Variants in INTS6 observed in about 807,000 individuals in gnomAD.
The protein encoded by INTS6 is DEAD box protein.
A neutral mutation model predicts 104.9 loss-of-function variants in INTS6; 16 were observed. The observed-to-expected ratio is 0.15, with a 90% CI of 0.10 to 0.23. INTS6 has a LOEUF of 0.23. INTS6 is among the 10% of genes least tolerant of loss of function. INTS6 has a pLI of 1.00. For missense variants in INTS6, 584 were observed against 1,062.8 expected, an observed-to-expected ratio of 0.55 and a Z score of 6.26; for synonymous variants, 324 against 358.7, an observed-to-expected ratio of 0.90 and a Z score of 1.09.
chr13:51,415,123 G>GTT (rs200899765), intron 4 of INTS6, among the ~76,000 whole-genome samples: 1 of 144,956 alleles, frequency 6.9e-6, no homozygotes, highest in African/African-American at 2.5e-5. Context: ...AAGTATGAGA[G>GTT]TTTTTTTTTT....
At chr13:51,348,887 G>T in the INTS6 span, among the ~76,000 whole-genome samples, 1 of 66,092 alleles carries the variant, frequency 1.5e-5, no homozygotes, top group Non-Finnish European at 2.7e-5. Context: ...CCAAATTAAG[G>T]CATAAAATTT....
Position 51,404,107 on chromosome 13 carries a change from G to C in INTS6, c.430-8624C>G, listed in dbSNP as rs12876932. On this transcript the variant is annotated intron_variant, in intron 4 of 17. Coordinates refer to ENST00000311234, the MANE Select transcript of INTS6 (RefSeq NM_012141.3). ...ACACACACACACACACACACACAGA[G>C]AGAGAGAGAGAGAGAGACAACCCAG... Among the ~76,000 whole-genome samples the C allele has an allele frequency of 4.1e-3, 423 of 102,324 alleles. 4 individuals carry two copies. In the East Asian group the frequency reaches 0.065, roughly 16 times the overall value. 67.1% of individuals were successfully genotyped at this position (102,324 alleles called of 152,430 possible).
chr13:51,446,889 G>A (rs1952930721), intron 3 of INTS6: 1 of 152,130 alleles, frequency 6.6e-6, no homozygotes, highest in African/African-American at 2.4e-5. Context: ...GAGGTTTCCA[G>A]GGACTGGGAG....
the INTS6 span, among the ~76,000 whole-genome samples, chr13:51,340,129 G>A: frequency 2.0e-5 from 3 of 152,190 alleles, no homozygotes; most frequent in African/African-American, 4.8e-5. Flanking sequence ...GAGTGTGAGC[G>A]TGAGTAGCAG....
In INTS6 at chr13:51,374,815, CA is replaced by C; in HGVS notation, c.1730-20del. ...ACTTGATCTTTCAAAAAGAATACAA[CA>C]GCAAAAAAAGTTAACCTCCAATTAG... On this transcript the variant is annotated intron_variant, in intron 13 of 17. Transcript: ENST00000311234. 6.2e-7 allele frequency: 1 copy of C among 1,606,164 alleles called. No individual in the cohort carries two copies. Among genetic ancestry groups the C allele is most frequent in the Non-Finnish European group, 8.5e-7 (1 of 1,176,712 alleles).
downstream of INTS6, among the ~76,000 whole-genome samples, chr13:51,351,648 A>C (rs79006687): frequency 0.07 from 10,659 of 151,954 alleles, 422 homozygotes; most frequent in East Asian, 0.19. Context: ...AAGCTCAATT[A>C]ATCTATGTTT....
intron 4 of INTS6, among the ~76,000 whole-genome samples, chr13:51,397,272 T>C (rs1956356324): frequency 6.6e-6 from 1 of 152,192 alleles, no homozygotes; most frequent in Non-Finnish European, 1.5e-5. Context: ...AATCCAATTC[T>C]ATTCTAGGAA....
At chr13:51,426,128 A>G (rs143111779) in intron 4 of INTS6, among the ~76,000 whole-genome samples, 373 of 152,226 alleles carry the variant, frequency 2.5e-3, no homozygotes, top group Non-Finnish European at 3.7e-3. Flanking sequence ...AATTGAAATC[A>G]TAAATTAATG....
At chr13:51,418,492 A>G (rs1956834433) in intron 4 of INTS6, among the ~76,000 whole-genome samples, 1 of 152,178 alleles carries the variant, frequency 6.6e-6, no homozygotes, top group Admixed American at 6.5e-5. Context: ...AAATTAAGAA[A>G]TTCTAGGCAA....
At chr13:51,429,785 A>AATATATATAT (rs201277531) in intron 4 of INTS6, among the ~76,000 whole-genome samples, 11 of 92,358 alleles carry the variant, frequency 1.2e-4, no homozygotes, top group African/African-American at 1.8e-4. Flanking sequence ...AAAAAAAAAA[A>AATATATATAT]ATATATATAT....
intron 4 of INTS6, chr13:51,422,980 T>C: frequency 9.8e-7 from 1 of 1,015,484 alleles, no homozygotes; most frequent in Non-Finnish European, 1.3e-6. Flanking sequence ...CTTCTGTTTA[T>C]TTCTGCCATG....
rs753508500 is a variant in INTS6 at position 51,376,206 on chromosome 13, T to C, written c.1603-32A>G. 1.9e-6 allele frequency: 3 copies of C among 1,564,326 alleles called. No individual in the cohort carries two copies. In the South Asian group the frequency reaches 3.6e-5, roughly 19 times the overall value. Reference sequence around the variant, plus strand: ...AACAACATTCGAGGACAAAATTTATTGTCAAACATAGAATTACAAGAGACT... The same window carrying C: ...AACAACATTCGAGGACAAAATTTATCGTCAAACATAGAATTACAAGAGACT... On this transcript the variant is annotated intron_variant, in intron 12 of 17. Coordinates refer to ENST00000311234, the MANE Select transcript of INTS6 (RefSeq NM_012141.3).
At chr13:51,403,064 TA>T (rs1208236024) in intron 4 of INTS6, among the ~76,000 whole-genome samples, 1 of 152,198 alleles carries the variant, frequency 6.6e-6, no homozygotes, top group Non-Finnish European at 1.5e-5. Context: ...AAAGCTATTA[TA>T]AAATCTCAGA....
chr13:51,410,671 C>T (rs1420637021), intron 4 of INTS6, among the ~76,000 whole-genome samples: 1 of 152,006 alleles, frequency 6.6e-6, no homozygotes, highest in East Asian at 1.9e-4. Context: ...AAATAAGACA[C>T]AGAAAACACA....
intron 4 of INTS6, among the ~76,000 whole-genome samples, chr13:51,399,451 G>T (rs1295758483): frequency 6.6e-6 from 1 of 152,170 alleles, no homozygotes; most frequent in African/African-American, 2.4e-5. Context: ...AATTGTTTGG[G>T]TATGTTATGA....
intron 4 of INTS6, among the ~76,000 whole-genome samples, chr13:51,417,001 T>A (rs1413767369): frequency 6.6e-6 from 1 of 152,236 alleles, no homozygotes; most frequent in Non-Finnish European, 1.5e-5. Context: ...TTCATGTACT[T>A]ACTAGCCATT....
chr13:51,376,314 T>C (rs2137894129), intron 12 of INTS6, 140 bp from the exon 13 acceptor site: 1 of 631,506 alleles, frequency 1.6e-6, no homozygotes, highest in South Asian at 4.1e-5. Context: ...AGACATATGA[T>C]ATAATCTTAA....
intron 7 of INTS6, chr13:51,384,722 T>C (rs1391646657): frequency 4.4e-6 from 2 of 456,608 alleles, no homozygotes; most frequent in Non-Finnish European, 8.8e-6. Flanking sequence ...TAAACTGATA[T>C]CACAAATTCT....
Position 51,395,491 on chromosome 13 carries a change from T to G in INTS6, c.430-8A>C. 2.5e-6 allele frequency: 4 copies of G among 1,602,714 alleles called. No homozygotes were observed. Among genetic ancestry groups the G allele is most frequent in the African/African-American group, 2.7e-5 (2 of 74,292 alleles). ...ATTAAGAGGTAAATGAAGCTGAAAGTAGGGGGGAAAAACAGTAATAAGAAT... is the reference window on the plus strand; with the variant it reads ...ATTAAGAGGTAAATGAAGCTGAAAGGAGGGGGGAAAAACAGTAATAAGAAT... On this transcript the variant is annotated splice_polypyrimidine_tract_variant and splice_region_variant and intron_variant, in intron 4 of 17. Transcript: ENST00000311234.
Sources: allele counts gnomAD v4.1 joint callset (sites outside exome capture counted in the v4.1 genomes callset), GRCh38; gene constraint gnomAD v4.1.1; transcripts MANE v1.5; gene names NCBI Gene and HGNC (gene_info 2026-07-23, HGNC 2026-07-21).